The following SYNE2 variants were observed in gnomAD, a reference collection of about 807,000 sequenced individuals.
SYNE2 encodes nesprin-2.
Under a neutral mutation model 856.3 loss-of-function variants are expected in SYNE2, and 431 were observed. The ratio of observed to expected loss-of-function variants is 0.50; its 90% confidence interval spans 0.47 to 0.55. SYNE2 has a LOEUF of 0.55. Ranked by LOEUF, SYNE2 falls within the 20% of genes least tolerant of loss-of-function variation. The probability of loss-of-function intolerance (pLI) is 0.00; values close to 1 mark genes in which losing one functional copy is unlikely to be tolerated. For synonymous variants in SYNE2, 2,923 were observed against 2,872.3 expected (o/e 1.02, Z -0.56); for missense variants, 8,129 against 8,023.2 (o/e 1.01, Z -0.50).
intron 108 of SYNE2, among the ~76,000 whole-genome samples, chr14:64,217,615 C>T (rs539457661): frequency 1.1e-4 from 17 of 152,228 alleles, no homozygotes; most frequent in Non-Finnish European, 1.9e-4. Flanking sequence ...CTCTGCTTTA[C>T]ATCCTTGGCT....
intron 1 of SYNE2, among the ~76,000 whole-genome samples, chr14:63,812,051 C>A (rs139126923): frequency 1.3e-5 from 2 of 151,994 alleles, no homozygotes; most frequent in South Asian, 2.1e-4. Flanking sequence ...AGCAGAGAAC[C>A]GGTCTGACCT....
upstream of SYNE2, among the ~76,000 whole-genome samples, chr14:63,852,773 C>G (rs1229136349): frequency 6.6e-6 from 1 of 152,114 alleles, no homozygotes; most frequent in Non-Finnish European, 1.5e-5. Context: ...GGGTCGCGAA[C>G]CTGCATTGCG....
At chr14:63,885,611 AT>A (rs908512403) in intron 1 of SYNE2, among the ~76,000 whole-genome samples, 19 of 129,726 alleles carry the variant, frequency 1.5e-4, no homozygotes, top group African/African-American at 4.6e-4. Context: ...ATTTCGATAT[AT>A]TTTTTTTGAG....
chr14:63,939,437 T>A (rs919304923), intron 2 of SYNE2, among the ~76,000 whole-genome samples: 1 of 146,006 alleles, frequency 6.8e-6, no homozygotes, highest in Admixed American at 7.1e-5. Context: ...AACCTCCGCC[T>A]CCTCGGTTCA....
At chr14:64,068,441 T>C (rs990961368) in intron 51 of SYNE2, among the ~76,000 whole-genome samples, 4 of 152,320 alleles carry the variant, frequency 2.6e-5, no homozygotes, top group Admixed American at 1.3e-4. Context: ...AAATTCTTGC[T>C]GCTGCTTGTA....
At chr14:63,956,558 A>G (rs2096244072) in intron 8 of SYNE2, 1 of 416,124 alleles carries the variant, frequency 2.4e-6, no homozygotes, top group South Asian at 1.8e-5. Context: ...AAGCAGCTTT[A>G]TTAAGAGATA....
In SYNE2 at chr14:63,958,425, T is replaced by C. The variant is rs557559727; in HGVS notation, c.788-3100T>C. ...AGGTATTTTGTAGGATGCCCCTTTATTGGAATTTACATTATGTTTTTTTCT... is the reference window on the plus strand; with the variant it reads ...AGGTATTTTGTAGGATGCCCCTTTACTGGAATTTACATTATGTTTTTTTCT... On this transcript the variant is annotated intron_variant, in intron 8 of 115. Transcript: ENST00000555002. Among the ~76,000 whole-genome samples the C allele has an allele frequency of 3.9e-5, 6 of 152,348 alleles. No individual in the cohort carries two copies. In the South Asian group the frequency reaches 1.0e-3, roughly 26 times the overall value.
At chr14:64,018,034 T>C (rs866503632) in intron 34 of SYNE2, among the ~76,000 whole-genome samples, 3 of 152,326 alleles carry the variant, frequency 2.0e-5, no homozygotes, top group African/African-American at 7.2e-5. Context: ...TTGATAACTA[T>C]CATGTAATTG....
At chr14:64,179,861 G>A (rs978987829) in intron 96 of SYNE2, among the ~76,000 whole-genome samples, 2 of 152,048 alleles carry the variant, frequency 1.3e-5, no homozygotes, top group Non-Finnish European at 2.9e-5. Flanking sequence ...GGTATTGCTG[G>A]CTGAACAAAA....
In SYNE2 at chr14:64,209,455, G is replaced by A. The variant is rs371461730; in HGVS notation, c.18417G>A (p.Gln6139=). The part of the protein sequence containing the change: ...MKIEETWRLW[Q]KFLDDYSRFE... Reference sequence around the variant, plus strand: ...TCGAGGAGACGTGGCGCCTGTGGCAGAAGTTTTTAGACGACTATTCTCGCT... The same window carrying A: ...TCGAGGAGACGTGGCGCCTGTGGCAAAAGTTTTTAGACGACTATTCTCGCT... Residue 6139 remains glutamine (Q), a synonymous_variant, in exon 102 of 116, where the codon CAG becomes CAA. Coordinates refer to ENST00000555002, the MANE Select transcript of SYNE2 (RefSeq NM_182914.3). 4.3e-6 allele frequency: 7 copies of A among 1,614,136 alleles called. No individual in the cohort carries two copies. In the South Asian group the frequency reaches 5.5e-5, roughly 13 times the overall value.
intron 76 of SYNE2, among the ~76,000 whole-genome samples, chr14:64,131,369 A>G (rs1187482410): frequency 6.6e-6 from 1 of 152,238 alleles, no homozygotes; most frequent in African/African-American, 2.4e-5. Context: ...TTGAAGTTCA[A>G]ATACAAATAC....
intron 84 of SYNE2, 83 bp from the exon 85 acceptor site, chr14:64,152,479 GAA>G: frequency 7.3e-7 from 1 of 1,376,194 alleles, no homozygotes; most frequent in Non-Finnish European, 1.0e-6. Context: ...ATTTTTACTT[GAA>G]AAGAGTGAAC....
intron 97 of SYNE2, among the ~76,000 whole-genome samples, chr14:64,188,009 C>A (rs541322702): frequency 6.6e-6 from 1 of 152,070 alleles, no homozygotes; most frequent in African/African-American, 2.4e-5. Context: ...CAGTGCATAA[C>A]GGGCAAGTGG....
chr14:63,996,806 TAGCGC>T, intron 23 of SYNE2, 136 bp from the exon 24 acceptor site: 1 of 794,886 alleles, frequency 1.3e-6, no homozygotes, highest in Admixed American at 2.1e-5. Context: ...TTTTTTTCTC[TAGCGC>T]CTATTGTCAT....
intron 100 of SYNE2, chr14:64,208,139 C>T (rs1170853011): frequency 2.0e-5 from 9 of 455,962 alleles, no homozygotes; most frequent in Middle Eastern, 3.2e-4. Flanking sequence ...AGAGACCCCA[C>T]CTCTCTCCAA....
chr14:63,782,194 C>G (rs995770873), intron 1 of SYNE2, among the ~76,000 whole-genome samples: 6 of 150,940 alleles, frequency 4.0e-5, no homozygotes, highest in Admixed American at 4.0e-4. Context: ...TGATTGGGGG[C>G]CAGGCACAGT....
chr14:63,801,192 C>A (rs565600759), intron 1 of SYNE2, among the ~76,000 whole-genome samples: 1 of 152,018 alleles, frequency 6.6e-6, no homozygotes, highest in Non-Finnish European at 1.5e-5. Flanking sequence ...ACATGCTACA[C>A]AGAGAGCAGA....
intron 1 of SYNE2, among the ~76,000 whole-genome samples, chr14:63,830,985 C>T (rs1046801477): frequency 2.6e-5 from 4 of 151,672 alleles, no homozygotes; most frequent in Non-Finnish European, 5.9e-5. Flanking sequence ...GGATTACAGG[C>T]ACCTGCCACC....
chr14:63,978,535 ATTAAG>A (rs1252897600), intron 13 of SYNE2, among the ~76,000 whole-genome samples: 2 of 152,234 alleles, frequency 1.3e-5, no homozygotes. Context: ...TTATAGTTTT[ATTAAG>A]TTATGTGGAA....
Sources: allele counts gnomAD v4.1 joint callset (sites outside exome capture counted in the v4.1 genomes callset), GRCh38; gene constraint gnomAD v4.1.1; transcripts MANE v1.5; gene names NCBI Gene and HGNC (gene_info 2026-07-23, HGNC 2026-07-21).